GRK5: variants seen among roughly 807,000 people sequenced by gnomAD.
The protein encoded by GRK5 is g protein-coupled receptor kinase GRK5.
Under a neutral mutation model 78.4 loss-of-function variants are expected in GRK5, and 40 were observed. The observed-to-expected ratio is 0.51, with a 90% confidence interval of 0.40 to 0.66. The LOEUF (loss-of-function observed/expected upper bound fraction) is 0.66. Among genes scored for constraint, GRK5 ranks in the 30% least tolerant of loss-of-function variants. The probability of loss-of-function intolerance (pLI) is 0.00; values close to 1 mark genes in which losing one functional copy is unlikely to be tolerated. For synonymous variants in GRK5, 289 were observed against 296.8 expected (o/e 0.97, Z 0.27); for missense variants, 598 against 759.9 (o/e 0.79, Z 2.50).
In GRK5 at chr10:119,457,877, G is replaced by GC. The variant is rs1491251025; in HGVS notation, c.*2810_*2811insC. ...AATTTTTAAAATTTTTTGTAGAGAT[G>GC]GGGGGGGGGTCTCCCCATGTTGCCC... On this transcript the variant is annotated 3_prime_UTR_variant, in exon 16 of 16. Transcript: ENST00000392870. The GC allele has an allele frequency of 1.1e-4, 1 of 8,794 alleles. No individual in the cohort carries two copies. The highest frequency in any genetic ancestry group is 2.4e-4 in the African/African-American group (1 of 4,162). The allele number at this position is 8,794 out of a possible 1,614,324, so 0.5% of individuals were successfully genotyped here.
chr10:119,446,450 C>T (rs78598635), intron 12 of GRK5, among the ~76,000 whole-genome samples: 11,802 of 150,368 alleles, frequency 0.078, 695 homozygotes, highest in East Asian at 0.24. Context: ...ACACATAGCC[C>T]GGCCCGGCCC....
Position 119,443,426 on chromosome 10 carries a change from T to G in GRK5, c.1058-118T>G, listed in dbSNP as rs541377646. On this transcript the variant is annotated intron_variant, in intron 11 of 15. Transcript: ENST00000392870. ...GGCAAGCTCCCTGGAGGGGGTGGTA[T>G]TCACAGCAGTTGGTGGGGTAAGAGT... 3.3e-5 allele frequency: 28 copies of G among 846,350 alleles called. No individual in the cohort carries two copies. In the Admixed American group the frequency reaches 6.8e-4, roughly 20 times the overall value. The allele number at this position is 846,350 out of a possible 1,614,324, so 52.4% of individuals were successfully genotyped here.
At chr10:119,235,548 G>T (rs977434730) in intron 1 of GRK5, among the ~76,000 whole-genome samples, 3 of 151,990 alleles carry the variant, frequency 2.0e-5, no homozygotes, top group Non-Finnish European at 2.9e-5. Context: ...TTCATTGAGG[G>T]CCCCTTACAA....
chr10:119,232,442 A>T (rs541340789), intron 1 of GRK5, among the ~76,000 whole-genome samples: 1 of 152,340 alleles, frequency 6.6e-6, no homozygotes, highest in Non-Finnish European at 1.5e-5. Context: ...GTTAACACTA[A>T]TATGTAGTTT....
chr10:119,218,937 C>A (rs926031235), intron 1 of GRK5, among the ~76,000 whole-genome samples: 2 of 148,424 alleles, frequency 1.3e-5, no homozygotes, highest in African/African-American at 5.1e-5. Context: ...CTCGCTCTGT[C>A]CCTAGGCCAG....
At position 119,207,783 on chromosome 10, in the gene GRK5, G is replaced by A; in HGVS notation, c.-135G>A. ...CTTGGGCTGAGAGCAGGAATAATGC[G>A]GTAGGCAAGGCGGGCTGCTGGCTCC... On this transcript the variant is annotated 5_prime_UTR_variant, in exon 1 of 16. Transcript: ENST00000392870. 2.5e-6 allele frequency: 2 copies of A among 806,134 alleles called. No homozygotes were observed. Among genetic ancestry groups the A allele is most frequent in the Non-Finnish European group, 3.8e-6 (2 of 521,608 alleles). 49.9% of individuals were successfully genotyped at this position (806,134 alleles called of 1,614,324 possible).
intron 1 of GRK5, among the ~76,000 whole-genome samples, chr10:119,313,275 G>GTGGTGA (rs1850427757): frequency 6.7e-6 from 1 of 150,334 alleles, no homozygotes; most frequent in Non-Finnish European, 1.5e-5. Flanking sequence ...GGTAATAGTG[G>GTGGTGA]TGATGGGGAT....
At chr10:119,313,030 C>CAGTGGTGATGGTGGTGGTGGTAATGGT in intron 1 of GRK5, among the ~76,000 whole-genome samples, 2 of 3,220 alleles carry the variant, frequency 6.2e-4, no homozygotes. Context: ...GTGGTAATGG[C>CAGTGGTGATGGTGGTGGTGGTAATGGT]AGTGGTGATG....
At chr10:119,249,660 T>C (rs1849169571) in intron 1 of GRK5, among the ~76,000 whole-genome samples, 1 of 152,090 alleles carries the variant, frequency 6.6e-6, no homozygotes, top group Admixed American at 6.5e-5. Flanking sequence ...ACCATGCCCA[T>C]CTAATTTTTT....
At chr10:119,322,460 G>A (rs530965725) in intron 1 of GRK5, among the ~76,000 whole-genome samples, 7 of 152,356 alleles carry the variant, frequency 4.6e-5, no homozygotes, top group South Asian at 2.1e-4. Context: ...GAGGTAACGC[G>A]TTGGATGTGT....
intron 1 of GRK5, among the ~76,000 whole-genome samples, chr10:119,269,986 C>T (rs1447210913): frequency 6.6e-6 from 1 of 152,200 alleles, no homozygotes; most frequent in African/African-American, 2.4e-5. Flanking sequence ...TTGTCTGCTC[C>T]TCCAGCCTCC....
intron 1 of GRK5, among the ~76,000 whole-genome samples, chr10:119,209,329 C>G (rs912222080): frequency 6.6e-6 from 1 of 152,046 alleles, no homozygotes; most frequent in Non-Finnish European, 1.5e-5. Flanking sequence ...ATTTCAGAAG[C>G]CCCGAAGGGA....
At chr10:119,406,369 T>A (rs1249011289) in intron 4 of GRK5, 1 of 668,916 alleles carries the variant, frequency 1.5e-6, no homozygotes, top group East Asian at 1.4e-4. Context: ...CTTCCTGGGG[T>A]CCATGGCCCT....
intron 1 of GRK5, among the ~76,000 whole-genome samples, chr10:119,279,773 A>G (rs954717911): frequency 9.2e-5 from 14 of 152,242 alleles, no homozygotes; most frequent in African/African-American, 3.4e-4. Flanking sequence ...TGTTCTAGTG[A>G]GTGCTCTCCC....
rs148272359 is a variant in GRK5 at position 119,400,442 on chromosome 10, G to A, written c.339+3670G>A. On this transcript the variant is annotated intron_variant, in intron 4 of 15. Transcript: ENST00000392870. The stretch of plus-strand genomic sequence containing the variant: ...GTAATTGGCAGAATTGTGGGGGAGG[G>A]AAGTGCTCCTAGCATCTGATGCGTA... 6.5e-3 allele frequency among the ~76,000 whole-genome samples: 984 copies of A among 152,298 alleles called. 9 individuals are homozygous for A. Among genetic ancestry groups the A allele is most frequent in the Non-Finnish European group, 0.012 (792 of 68,010 alleles).
rs1850275332 is a variant in GRK5, at chr10:119,306,617, A to G, written c.53-19899A>G. Among the ~76,000 whole-genome samples, 2 of 152,038 alleles carry G rather than the reference A, an allele frequency of 1.3e-5. 1 individual carries two copies. The highest frequency in any genetic ancestry group is 4.8e-5 in the African/African-American group (2 of 41,338). On this transcript the variant is annotated intron_variant, in intron 1 of 15. Coordinates refer to ENST00000392870, the MANE Select transcript of GRK5 (RefSeq NM_005308.3). ...AGAGCACCTTCTCTTGGCCCCGAAT[A>G]TGGATTTTGGTGTCCCTAGTCAAGA...
At chr10:119,357,942 G>T (rs1411651266) in intron 2 of GRK5, among the ~76,000 whole-genome samples, 1 of 152,178 alleles carries the variant, frequency 6.6e-6, no homozygotes, top group African/African-American at 2.4e-5. Flanking sequence ...CAAGCCAGGG[G>T]TGGGCAGCGT....
chr10:119,447,859 T>C (rs1853187232), intron 12 of GRK5, among the ~76,000 whole-genome samples: 1 of 152,200 alleles, frequency 6.6e-6, no homozygotes, highest in African/African-American at 2.4e-5. Context: ...CATTAATGAG[T>C]GCCCACCATA....
intron 1 of GRK5, among the ~76,000 whole-genome samples, chr10:119,316,605 A>G (rs1337907500): frequency 6.6e-6 from 1 of 152,202 alleles, no homozygotes; most frequent in Non-Finnish European, 1.5e-5. Context: ...AACCCAGTGC[A>G]GCGCTACACT....
Sources: gnomAD v4.1 joint callset for allele counts (sites outside exome capture counted in the v4.1 genomes callset) on GRCh38, gnomAD v4.1.1 for gene constraint, MANE v1.5 for transcripts, NCBI Gene and HGNC (gene_info 2026-07-23, HGNC 2026-07-21) for gene names.